Variants in TOP3A observed in about 807,000 individuals in gnomAD.
TOP3A encodes DNA topoisomerase III alpha.
In TOP3A, 64 loss-of-function variants were observed where a neutral mutation model predicts 111.3. The observed-to-expected ratio is 0.57, with a 90% CI of 0.47 to 0.71. The LOEUF (loss-of-function observed/expected upper bound fraction) is 0.71. TOP3A is among the 30% of genes least tolerant of loss of function. TOP3A has a pLI of 0.00. For synonymous variants in TOP3A, 484 were observed against 485.1 expected (o/e 1.00, Z 0.03); for missense variants, 1,104 against 1,285.0 (o/e 0.86, Z 2.15).
chr17:18,301,948 G>C lies in TOP3A; in HGVS notation c.852C>G (p.Asn284Lys). ...GGTTAAAGAGTCGATGCCTTTTCCA[G>C]TTGAATTCTACGATACCATCTTTGT... is the stretch of plus-strand genomic sequence containing the variant. ...HDHKDGIVEF[N>K]WKRHRLFNHT... Residue 284 changes from asparagine to lysine, a missense_variant, in exon 8 of 19, where the codon AAC (asparagine) becomes AAG (lysine). Coordinates refer to ENST00000321105, the MANE Select transcript of TOP3A (RefSeq NM_004618.5). The C allele has an allele frequency of 6.2e-7, 1 of 1,614,200 alleles. No homozygotes were observed. The highest frequency in any genetic ancestry group is 8.5e-7 in the Non-Finnish European group (1 of 1,180,034).
intron 11 of TOP3A, 95 bp downstream of exon 11, chr17:18,292,550 T>C (rs1980542753): frequency 8.9e-7 from 1 of 1,128,880 alleles, no homozygotes; most frequent in African/African-American, 1.6e-5. Context: ...CACTTGTTTT[T>C]ACAATCACAG....
chr17:18,301,812 G>T (rs146066191), intron 8 of TOP3A, 73 bp downstream of exon 8: 2 of 1,286,920 alleles, frequency 1.6e-6, no homozygotes, highest in African/African-American at 1.5e-5. Context: ...GAATGAGACA[G>T]ATCACCTCTG....
At chr17:18,299,169 T>A (rs1981062673) in intron 9 of TOP3A, among the ~76,000 whole-genome samples, 1 of 152,060 alleles carries the variant, frequency 6.6e-6, no homozygotes, top group Non-Finnish European at 1.5e-5. Context: ...CTTATGCCTG[T>A]AATCCCAGTA....
rs1424608671 is a variant in TOP3A, at chr17:18,308,174, T to C, written c.314+177A>G. 10 of 421,964 alleles carry C rather than the reference T, an allele frequency of 2.4e-5. No homozygotes were observed. The South Asian group carries it at 2.6e-4, about 11-fold the overall frequency. 26.1% of individuals were successfully genotyped at this position (421,964 alleles called of 1,614,324 possible). ...TTGCTGTGAGCCGAGATCACACCAC[T>C]GCACTCCAGCCTGGGAGACAGAGTC... On this transcript the variant is annotated intron_variant, in intron 3 of 18. Coordinates refer to ENST00000321105, the MANE Select transcript of TOP3A (RefSeq NM_004618.5).
Position 18,302,446 on chromosome 17 carries a change from A to G in TOP3A, c.644-12T>C, listed in dbSNP as rs764196172. On this transcript the variant is annotated splice_polypyrimidine_tract_variant and intron_variant, in intron 6 of 18. Transcript: ENST00000321105. The stretch of plus-strand genomic sequence containing the variant: ...AGTAAAGGCAGCTCCTGGAGAGTGA[A>G]GGAGAGTGAAGGAAGGTGAAAATGA... 7.6e-6 allele frequency: 6 copies of G among 789,518 alleles called. No individual in the cohort carries two copies. In the Admixed American group the frequency reaches 8.8e-5, roughly 12 times the overall value. 48.9% of individuals were successfully genotyped at this position (789,518 alleles called of 1,614,324 possible). A position where few individuals can be genotyped will look rare whatever the true frequency, so the allele number is the denominator to read the frequency against.
chr17:18,282,819 ACTGGGCCAAGGC>A lies in TOP3A; in HGVS notation c.1888_1899del (p.Ala630_Gln633del). 1 of 1,614,198 alleles carries A rather than the reference ACTGGGCCAAGGC, an allele frequency of 6.2e-7. No individual in the cohort carries two copies. The highest frequency in any genetic ancestry group is 8.5e-7 in the Non-Finnish European group (1 of 1,180,032). On this transcript the variant is annotated inframe_deletion, in exon 16 of 19. Coordinates refer to ENST00000321105, the MANE Select transcript of TOP3A (RefSeq NM_004618.5). ...GCCAACTCTGTCCCATTCCCAAAGT[ACTGGGCCAAGGC>A]CTCGTCCAATCTGAAGAAAAGGCAA... is the stretch of plus-strand genomic sequence containing the variant.
At chr17:18,306,221 A>AAATG (rs1567751189) in intron 4 of TOP3A, among the ~76,000 whole-genome samples, 2 of 152,204 alleles carry the variant, frequency 1.3e-5, no homozygotes, top group Non-Finnish European at 2.9e-5. Context: ...ATAAATAAAT[A>AAATG]AATAAAAATT....
chr17:18,300,921 G>A (rs1034914018), intron 8 of TOP3A, among the ~76,000 whole-genome samples: 5 of 152,196 alleles, frequency 3.3e-5, no homozygotes, highest in Admixed American at 6.5e-5. Context: ...CAGCTCTCAC[G>A]TGTCTGTGGG....
intron 1 of TOP3A, chr17:18,312,938 GA>G (rs528703754): frequency 2.2e-4 from 34 of 152,566 alleles, no homozygotes; most frequent in African/African-American, 8.2e-4. Flanking sequence ...CCAACACAGT[GA>G]AACTACTAAA....
At chr17:18,305,694 C>T (rs8068602) in intron 4 of TOP3A, among the ~76,000 whole-genome samples, 54,618 of 151,638 alleles carry the variant, frequency 0.36, 10,828 homozygotes, top group African/African-American at 0.52. Context: ...AAAAATTAGC[C>T]GGGCATGGTG....
chr17:18,292,438 G>A (rs1433526692), intron 11 of TOP3A, among the ~76,000 whole-genome samples: 3 of 152,202 alleles, frequency 2.0e-5, no homozygotes, highest in African/African-American at 7.2e-5. Context: ...ATGGAGAGTG[G>A]GATGTGGAGC....
chr17:18,295,614 A>G (rs946141875), intron 9 of TOP3A, among the ~76,000 whole-genome samples: 1 of 148,904 alleles, frequency 6.7e-6, no homozygotes, highest in Admixed American at 6.7e-5. Flanking sequence ...GGTGCTCACC[A>G]TGGCTGGCTA....
chr17:18,299,957 T>C (rs1167313493), intron 8 of TOP3A, among the ~76,000 whole-genome samples: 1 of 152,162 alleles, frequency 6.6e-6, no homozygotes, highest in East Asian at 1.9e-4. Flanking sequence ...GCTCTTTCTG[T>C]TGTTGTTTTC....
chr17:18,285,542 C>T, intron 13 of TOP3A, 22 bp from the exon 14 acceptor site: 4 of 1,607,448 alleles, frequency 2.5e-6, no homozygotes, highest in Non-Finnish European at 8.5e-7. Flanking sequence ...TTGCTGGTTA[C>T]TCTGAGGTAA....
intron 15 of TOP3A, among the ~76,000 whole-genome samples, 193 bp downstream of exon 15, chr17:18,284,949 C>T (rs1240566440): frequency 1.3e-5 from 2 of 152,178 alleles, no homozygotes; most frequent in Non-Finnish European, 2.9e-5. Flanking sequence ...TGTGGAAAAC[C>T]TCCAGGCCAG....
At chr17:18,282,587 A>G in intron 16 of TOP3A, 111 bp downstream of exon 16, 9 of 1,491,782 alleles carry the variant, frequency 6.0e-6, no homozygotes, top group Non-Finnish European at 7.3e-6. Flanking sequence ...GTTGGCAACA[A>G]CAGGCCTGTC....
intron 18 of TOP3A, among the ~76,000 whole-genome samples, chr17:18,276,261 C>T (rs1979367097): frequency 1.3e-5 from 2 of 152,346 alleles, no homozygotes; most frequent in South Asian, 4.1e-4. Flanking sequence ...AGCTCTGGAT[C>T]CCTTCCTGTC....
At chr17:18,282,596 T>C (rs1979825978) in intron 16 of TOP3A, 102 bp downstream of exon 16, 3 of 1,536,934 alleles carry the variant, frequency 2.0e-6, no homozygotes, top group Non-Finnish European at 1.8e-6. Context: ...AACAGGCCTG[T>C]CTTGAAAGAT....
intron 18 of TOP3A, 151 bp from the exon 19 acceptor site, chr17:18,275,131 C>A (rs925920801): frequency 4.0e-4 from 480 of 1,212,938 alleles, no homozygotes; most frequent in Non-Finnish European, 5.0e-4. Context: ...TCAGCCTGGG[C>A]AACATGGTGA....
Sources: allele counts gnomAD v4.1 joint callset (sites outside exome capture counted in the v4.1 genomes callset), GRCh38; gene constraint gnomAD v4.1.1; transcripts MANE v1.5; gene names NCBI Gene and HGNC (gene_info 2026-07-23, HGNC 2026-07-21).